LSM12: variants seen among roughly 807,000 people sequenced by gnomAD.
The protein encoded by LSM12 is LSM12 homolog.
For missense variants in LSM12, 108 were observed against 238.9 expected, an observed-to-expected ratio of 0.45 and a Z score of 3.61; for synonymous variants, 74 against 87.3, an observed-to-expected ratio of 0.85 and a Z score of 0.85.
At chr17:44,042,626 G>C (rs562107239) in intron 2 of LSM12, among the ~76,000 whole-genome samples, 21 of 69,778 alleles carry the variant, frequency 3.0e-4, no homozygotes, top group African/African-American at 9.8e-4. Context: ...GTGCAGTGGC[G>C]CAAGCTCTGC....
Position 44,063,700 on chromosome 17 carries a change from A to T in LSM12, c.258+101T>A, listed in dbSNP as rs146327741. ...TATCAGAACAAACAATTTTAAGTCA[A>T]TTTTAAAAAATAAAAAATAGACAAC... is the stretch of plus-strand genomic sequence containing the variant. On this transcript the variant is annotated intron_variant, in intron 2 of 4. Coordinates refer to ENST00000293406, the MANE Select transcript of LSM12 (RefSeq NM_001371445.1). The T allele has an allele frequency of 4.3e-5, 56 of 1,313,224 alleles. No individual in the cohort carries two copies. In the African/African-American group the frequency reaches 7.1e-4, roughly 17 times the overall value. The allele number at this position is 1,313,224 out of a possible 1,614,324, so 81.3% of individuals were successfully genotyped here. A position where few individuals can be genotyped will look rare whatever the true frequency, so the allele number is the denominator to read the frequency against.
intron 2 of LSM12, among the ~76,000 whole-genome samples, chr17:44,042,088 A>T (rs573595816): frequency 5.3e-5 from 8 of 152,262 alleles, no homozygotes; most frequent in African/African-American, 1.9e-4. Context: ...GGAGTTTGAG[A>T]CCAACCTGGC....
chr17:44,057,879 C>T (rs1031467579), intron 2 of LSM12, among the ~76,000 whole-genome samples: 2 of 151,966 alleles, frequency 1.3e-5, no homozygotes, highest in African/African-American at 4.8e-5. Context: ...GGCCCTTTGT[C>T]ACAATGCCCT....
At chr17:44,044,440 A>T (rs577599561) in intron 2 of LSM12, among the ~76,000 whole-genome samples, 2 of 152,284 alleles carry the variant, frequency 1.3e-5, no homozygotes, top group Admixed American at 1.3e-4. Context: ...TTCAATTCTA[A>T]TGCAAACATC....
At position 44,036,134 on chromosome 17, in the gene LSM12, C is replaced by T. The variant is rs1455130188; in HGVS notation, c.*74G>A. ...GACATATAGGATCCCTTCCCTCCCC[C>T]GGCCTGCCTCCGCTGAAGCCACCAC... On this transcript the variant is annotated 3_prime_UTR_variant, in exon 5 of 5. Transcript: ENST00000293406. 2.1e-5 allele frequency: 31 copies of T among 1,464,698 alleles called. No homozygotes were observed. The highest frequency in any genetic ancestry group is 4.6e-5 in the East Asian group (2 of 43,230). The allele number at this position is 1,464,698 out of a possible 1,614,324, so 90.7% of individuals were successfully genotyped here.
chr17:44,041,286 A>ACAAACACAC (rs1555623711), intron 2 of LSM12, among the ~76,000 whole-genome samples: 88 of 113,540 alleles, frequency 7.8e-4, no homozygotes, highest in Non-Finnish European at 1.1e-3. Flanking sequence ...AAAAAAAAAA[A>ACAAACACAC]ACAAACACAC....
intron 2 of LSM12, among the ~76,000 whole-genome samples, chr17:44,044,197 A>AG (rs1211185346): frequency 6.6e-6 from 1 of 152,194 alleles, no homozygotes; most frequent in Non-Finnish European, 1.5e-5. Context: ...AGAGAAGGGG[A>AG]GAAAAAAAAG....
chr17:44,052,609 A>C (rs2049660422), intron 2 of LSM12, among the ~76,000 whole-genome samples: 1 of 151,988 alleles, frequency 6.6e-6, no homozygotes, highest in African/African-American at 2.4e-5. Flanking sequence ...AATTACAAAA[A>C]TTAGCCGGGC....
intron 4 of LSM12, chr17:44,037,083 G>A (rs756848884): frequency 2.9e-5 from 5 of 172,018 alleles, no homozygotes; most frequent in East Asian, 1.5e-4. Flanking sequence ...CAGCGTGGGC[G>A]ACAGAGCGAG....
chr17:44,041,352 G>C (rs540236438), intron 2 of LSM12, among the ~76,000 whole-genome samples: 26 of 83,088 alleles, frequency 3.1e-4, no homozygotes, highest in East Asian at 2.9e-3. Context: ...CACACACACA[G>C]AATTTCCATT....
Position 44,036,230 on chromosome 17 carries a change from T to C in LSM12, c.566A>G (p.Lys189Arg). 1 of 1,613,118 alleles carries C rather than the reference T, an allele frequency of 6.2e-7. No homozygotes were observed. The highest frequency in any genetic ancestry group is 8.5e-7 in the Non-Finnish European group (1 of 1,179,674). The change falls in exon 5 of 5, where the codon AAG becomes AGG. Residue 189 changes from lysine to arginine, a missense_variant. Lys to Arg is a conservative substitution (Grantham distance 26, BLOSUM62 2). Coordinates refer to ENST00000293406, the MANE Select transcript of LSM12 (RefSeq NM_001371445.1). ...GACTCAGGATGACAGGGCAGCCTCC[T>C]TCTGTGGTTGCTGGGCTTGTGAACG... ...LQRSQAQQPQ[K>R]EAALSS
chr17:44,048,018 A>ACAC (rs2049592639), intron 2 of LSM12, among the ~76,000 whole-genome samples: 1 of 137,388 alleles, frequency 7.3e-6, no homozygotes, highest in African/African-American at 2.7e-5. Context: ...GTCCGTATTA[A>ACAC]ACACACACAC....
intron 4 of LSM12, 24 bp from the exon 5 acceptor site, chr17:44,036,324 G>A: frequency 6.2e-7 from 1 of 1,613,930 alleles, no homozygotes; most frequent in South Asian, 1.1e-5. Flanking sequence ...GGCAACCCAG[G>A]TCAACAAAGG....
In LSM12 at chr17:44,040,244, C is replaced by A. The variant is rs2049470260; in HGVS notation, c.271G>T (p.Ala91Ser). Residue 91 changes from alanine (A) to serine (S), a missense_variant, in exon 3 of 5, where the codon GCA becomes TCA. By Grantham distance (99) the Ala-to-Ser change is moderately conservative. Coordinates refer to ENST00000293406, the MANE Select transcript of LSM12 (RefSeq NM_001371445.1). ...SLNVSKLASK[A>S]RTEKEEKLSQ... ...AGCTTCTCCTCCTTCTCTGTCCGTG[C>A]TTTGCTGGCAAGCTAGGGTGGAAGA... is the stretch of plus-strand genomic sequence containing the variant. 1.2e-6 allele frequency: 2 copies of A among 1,613,610 alleles called. No individual in the cohort carries two copies. The highest frequency in any genetic ancestry group is 1.7e-6 in the Non-Finnish European group (2 of 1,179,746).
chr17:44,038,474 T>C (rs983098108), intron 3 of LSM12, among the ~76,000 whole-genome samples: 1 of 151,464 alleles, frequency 6.6e-6, no homozygotes. Context: ...CTGGTCAACA[T>C]GATGAAACTG....
intron 1 of LSM12, among the ~76,000 whole-genome samples, chr17:44,066,164 G>C (rs2049871979): frequency 2.8e-5 from 3 of 107,294 alleles, no homozygotes; most frequent in Non-Finnish European, 5.4e-5. Flanking sequence ...CCTAATTACT[G>C]TGTCCCCTCT....
In LSM12 at chr17:44,063,788, C is replaced by G. The variant is rs2049831246; in HGVS notation, c.258+13G>C. 1.9e-6 allele frequency: 3 copies of G among 1,610,830 alleles called. No homozygotes were observed. In the East Asian group the frequency reaches 6.7e-5, roughly 36 times the overall value. ...ACCATTTTAGAGAGCCAGATCTGCC[C>G]TTGAGTCCTTACCTTACTAACATTG... On this transcript the variant is annotated intron_variant, in intron 2 of 4. Coordinates refer to ENST00000293406, the MANE Select transcript of LSM12 (RefSeq NM_001371445.1).
At chr17:44,043,080 C>T (rs1469223724) in intron 2 of LSM12, among the ~76,000 whole-genome samples, 1 of 152,118 alleles carries the variant, frequency 6.6e-6, no homozygotes, top group African/African-American at 2.4e-5. Context: ...TTTCTCAAGG[C>T]TTAGGTTTGA....
At chr17:44,037,748 T>C (rs1238603247) in intron 3 of LSM12, among the ~76,000 whole-genome samples, 1 of 152,192 alleles carries the variant, frequency 6.6e-6, no homozygotes, top group East Asian at 1.9e-4. Context: ...ACATTTATTC[T>C]TGGGAGAGCC....
Sources: gnomAD v4.1 joint callset for allele counts (sites outside exome capture counted in the v4.1 genomes callset) on GRCh38, gnomAD v4.1.1 for gene constraint, MANE v1.5 for transcripts, NCBI Gene and HGNC (gene_info 2026-07-23, HGNC 2026-07-21) for gene names.